RUBCNL: variants seen among roughly 807,000 people sequenced by gnomAD.
RUBCNL encodes protein associated with UVRAG as autophagy enhancer.
Under a neutral mutation model 69.5 loss-of-function variants are expected in RUBCNL, and 62 were observed. The ratio of observed to expected loss-of-function variants is 0.89; its 90% CI spans 0.73 to 1.10. The LOEUF is 1.10. Ranked by LOEUF, RUBCNL falls within the 50% of genes least tolerant of loss-of-function variation. The pLI is 0.00. For synonymous variants in RUBCNL, 291 were observed against 303.6 expected (o/e 0.96, Z 0.43); for missense variants, 768 against 798.1 (o/e 0.96, Z 0.45).
chr13:46,348,305 G>A (rs2048293624), intron 12 of RUBCNL, among the ~76,000 whole-genome samples: 2 of 152,136 alleles, frequency 1.3e-5, no homozygotes, highest in Non-Finnish European at 1.5e-5. Context: ...CCACTGAAGT[G>A]TATTCTAAAA....
Position 46,346,546 on chromosome 13 carries a change from A to T in RUBCNL, c.1632-946T>A, listed in dbSNP as rs2048250299. ...TAATACAGATCTACTAATTTTTTTT[A>T]TCTGAAGCCCAGAATGGATATTCAA... On this transcript the variant is annotated intron_variant, in intron 12 of 14. Coordinates refer to ENST00000429979, the MANE Select transcript of RUBCNL (RefSeq NM_025113.5). 3.3e-5 allele frequency among the ~76,000 whole-genome samples: 5 copies of T among 152,104 alleles called. No individual in the cohort carries two copies. In the South Asian group the frequency reaches 1.0e-3, roughly 31 times the overall value.
chr13:46,343,358 C>T lies in RUBCNL; in HGVS notation c.*27G>A. ...CGGTGTTATCATAAGGCATGTTGAA[C>T]AGTCTTTTTCACAGTACTCAGGGGC... On this transcript the variant is annotated 3_prime_UTR_variant, in exon 15 of 15. Transcript: ENST00000429979. 1 of 1,607,694 alleles carries T rather than the reference C, an allele frequency of 6.2e-7. No homozygotes were observed. Among genetic ancestry groups the T allele is most frequent in the South Asian group, 1.1e-5 (1 of 89,884 alleles).
Position 46,368,737 on chromosome 13 carries a change from T to C in RUBCNL, c.614A>G (p.Glu205Gly). Residue 205 changes from glutamate (E) to glycine (G), a missense_variant, in exon 4 of 15, where the codon GAA (glutamate) becomes GGA (glycine). Coordinates refer to ENST00000429979, the MANE Select transcript of RUBCNL (RefSeq NM_025113.5). ...AAGAAAGAAGATAGCATTCACCTTT[T>C]CTACATCAACAGGCAGCACAAATAC... ...PEVFVLPVDV[E>G]KENAHFYVAD... 1 of 1,612,686 alleles carries C rather than the reference T, an allele frequency of 6.2e-7. No homozygotes were observed. The highest frequency in any genetic ancestry group is 1.1e-5 in the South Asian group (1 of 90,892).
chr13:46,336,975 T>G lies in RUBCNL; in HGVS notation c.*6410A>C, dbSNP rs1260184904. Reference sequence around the variant, plus strand: ...CTGTTATGGACTGAATATTTATATCTCCTCAAAAGTCATGTGTTGAAGACC... The same window carrying G: ...CTGTTATGGACTGAATATTTATATCGCCTCAAAAGTCATGTGTTGAAGACC... On this transcript the variant is annotated 3_prime_UTR_variant, in exon 15 of 15. Coordinates refer to ENST00000429979, the MANE Select transcript of RUBCNL (RefSeq NM_025113.5). 2.0e-5 allele frequency among the ~76,000 whole-genome samples: 3 copies of G among 152,070 alleles called. No individual in the cohort carries two copies. The highest frequency in any genetic ancestry group is 7.3e-5 in the African/African-American group (3 of 41,374).
In RUBCNL at chr13:46,335,437, T is replaced by A. The variant is rs117414002; in HGVS notation, c.*7948A>T. Among the ~76,000 whole-genome samples the A allele has an allele frequency of 0.018, 2,683 of 152,148 alleles. 41 individuals are homozygous for A. Among genetic ancestry groups the A allele is most frequent in the Non-Finnish European group, 0.027 (1,833 of 68,004 alleles). ...TAAATTAAGTCTTCAGAGGGTTTAA[T>A]CCACGGAGATAGACGATCTGATTTA... On this transcript the variant is annotated 3_prime_UTR_variant, in exon 15 of 15. Coordinates refer to ENST00000429979, the MANE Select transcript of RUBCNL (RefSeq NM_025113.5).
At chr13:46,377,869 A>C in intron 2 of RUBCNL, 21 bp downstream of exon 2, 1 of 1,468,092 alleles carries the variant, frequency 6.8e-7, no homozygotes, top group Non-Finnish European at 9.5e-7. Context: ...GAGAAGACAA[A>C]AGGCCAGGTC....
At chr13:46,356,560 T>A in intron 9 of RUBCNL, 64 bp from the exon 10 acceptor site, 1 of 1,409,038 alleles carries the variant, frequency 7.1e-7, no homozygotes, top group Non-Finnish European at 9.9e-7. Context: ...TTTCACTAAT[T>A]AGAAAAGAAA....
At chr13:46,344,604 G>T in intron 14 of RUBCNL, 137 bp downstream of exon 14, 1 of 648,604 alleles carries the variant, frequency 1.5e-6, no homozygotes, top group Non-Finnish European at 2.7e-6. Context: ...GCACACACCA[G>T]CATGACTGTA....
intron 5 of RUBCNL, 138 bp downstream of exon 5, chr13:46,367,904 T>A: frequency 1.3e-6 from 1 of 787,088 alleles, no homozygotes; most frequent in East Asian, 2.4e-5. Context: ...AAGTAGTGTA[T>A]ATAGAGTTTG....
At chr13:46,351,301 G>GAAAGA (rs1387178999) in intron 10 of RUBCNL, among the ~76,000 whole-genome samples, 2 of 152,220 alleles carry the variant, frequency 1.3e-5, no homozygotes, top group African/African-American at 4.8e-5. Context: ...GAAATGAAAT[G>GAAAGA]AAAGAAAAGA....
At chr13:46,363,084 C>G in intron 6 of RUBCNL, 31 bp downstream of exon 6, 1 of 1,399,360 alleles carries the variant, frequency 7.1e-7, no homozygotes, top group Non-Finnish European at 1.0e-6. Context: ...GGGAGGCAGC[C>G]AGTCACATCC....
At chr13:46,359,879 C>A (rs1304869310) in intron 8 of RUBCNL, among the ~76,000 whole-genome samples, 1 of 152,118 alleles carries the variant, frequency 6.6e-6, no homozygotes, top group Admixed American at 6.5e-5. Context: ...TTCCAGACTT[C>A]AAATTTACTG....
chr13:46,370,497 G>C (rs1348693409), intron 3 of RUBCNL, among the ~76,000 whole-genome samples: 2 of 152,126 alleles, frequency 1.3e-5, no homozygotes, highest in Non-Finnish European at 2.9e-5. Flanking sequence ...ATCACTCAAG[G>C]CTTCTTTTTC....
At position 46,372,026 on chromosome 13, in the gene RUBCNL, G is replaced by A; in HGVS notation, c.450C>T (p.Ser150=). Residue 150 remains serine (S), a synonymous_variant, in exon 3 of 15, where the codon AGC becomes AGT. Coordinates refer to ENST00000429979, the MANE Select transcript of RUBCNL (RefSeq NM_025113.5). The part of the protein sequence containing the change: ...GYSHRVSLPT[S]PGILATSPYP... Reference sequence around the variant, plus strand: ...ATGGGGAGGTGGCCAAAATCCCAGGGCTTGTGGGCAGAGACACCCGATGAG... The same window carrying A: ...ATGGGGAGGTGGCCAAAATCCCAGGACTTGTGGGCAGAGACACCCGATGAG... 1.9e-6 allele frequency: 3 copies of A among 1,613,996 alleles called. No homozygotes were observed. Among genetic ancestry groups the A allele is most frequent in the Non-Finnish European group, 2.5e-6 (3 of 1,179,898 alleles).
In RUBCNL at chr13:46,350,147, A is replaced by G. The variant is rs1385042426; in HGVS notation, c.1535T>C (p.Leu512Pro). The G allele has an allele frequency of 6.3e-7, 1 of 1,578,618 alleles. No homozygotes were observed. The highest frequency in any genetic ancestry group is 8.6e-7 in the Non-Finnish European group (1 of 1,161,454). ...IFNLLSIGQS[L>P]YAKAKELDRV... ...GTCCAGCTCCTTGGCTTTCGCATAC[A>G]GGCTTTGGCCGATGCTCAGCAAATT... is the stretch of plus-strand genomic sequence containing the variant. The change falls in exon 11 of 15, where the codon CTG becomes CCG. Residue 512 changes from leucine (L) to proline (P), a missense_variant. By Grantham distance (98) the Leu-to-Pro change is moderately conservative. Coordinates refer to ENST00000429979, the MANE Select transcript of RUBCNL (RefSeq NM_025113.5).
At chr13:46,387,794 C>A (rs2049283276), upstream of RUBCNL, 2 of 985,550 alleles carry the variant, frequency 2.0e-6, no homozygotes, top group South Asian at 9.4e-5. Context: ...AGCAACTCGT[C>A]ACCTTGTCCT....
At chr13:46,369,815 A>T (rs532228770) in intron 3 of RUBCNL, among the ~76,000 whole-genome samples, 1 of 152,360 alleles carries the variant, frequency 6.6e-6, no homozygotes, top group South Asian at 2.1e-4. Flanking sequence ...CACAGCTCTC[A>T]GCATGATGGA....
chr13:46,382,219 G>C (rs887880596), intron 1 of RUBCNL, among the ~76,000 whole-genome samples: 9 of 152,106 alleles, frequency 5.9e-5, no homozygotes, highest in Non-Finnish European at 8.8e-5. Flanking sequence ...AAAAGATCTA[G>C]AACTAAAGGG....
At chr13:46,374,701 G>A (rs1383090524) in intron 2 of RUBCNL, 1 of 152,162 alleles carries the variant, frequency 6.6e-6, no homozygotes, top group African/African-American at 2.4e-5. Flanking sequence ...ATCAAATCTG[G>A]AATAAAATCC....
Sources: gnomAD v4.1 joint callset for allele counts (sites outside exome capture counted in the v4.1 genomes callset) on GRCh38, gnomAD v4.1.1 for gene constraint, MANE v1.5 for transcripts, NCBI Gene and HGNC (gene_info 2026-07-23, HGNC 2026-07-21) for gene names.